The following DNER variants were observed in gnomAD, a reference collection of about 807,000 sequenced individuals.
DNER encodes the protein delta and Notch-like epidermal growth factor-related receptor.
In DNER, 33 loss-of-function variants were observed where a neutral mutation model predicts 78.2. That is an observed-to-expected ratio of 0.42 (90% CI 0.32 to 0.56). The LOEUF (loss-of-function observed/expected upper bound fraction) is 0.56. DNER is among the 20% of genes least tolerant of loss of function. The pLI, the probability that DNER is intolerant of heterozygous loss-of-function variation, is 0.11. For missense variants in DNER, 918 were observed against 975.3 expected, an observed-to-expected ratio of 0.94 and a Z score of 0.78; for synonymous variants, 417 against 384.8, an observed-to-expected ratio of 1.08 and a Z score of -0.98.
At chr2:229,689,865 T>C (rs955323211) in intron 1 of DNER, among the ~76,000 whole-genome samples, 66 of 152,228 alleles carry the variant, frequency 4.3e-4, no homozygotes, top group African/African-American at 1.5e-3. Flanking sequence ...TTATAGAGTC[T>C]GACTTCTGGA....
At chr2:229,559,170 A>AC (rs1696910219) in intron 4 of DNER, among the ~76,000 whole-genome samples, 1 of 151,986 alleles carries the variant, frequency 6.6e-6, no homozygotes, top group Admixed American at 6.6e-5. Flanking sequence ...TGCTGATGAG[A>AC]CCCCCAAAGG....
intron 7 of DNER, among the ~76,000 whole-genome samples, chr2:229,461,834 C>T (rs947350610): frequency 1.3e-5 from 2 of 151,880 alleles, no homozygotes; most frequent in Non-Finnish European, 2.9e-5. Context: ...ATGATACAGA[C>T]CTAAGATGAT....
intron 5 of DNER, among the ~76,000 whole-genome samples, chr2:229,538,471 T>C (rs1288738202): frequency 6.6e-6 from 1 of 152,136 alleles, no homozygotes; most frequent in Non-Finnish European, 1.5e-5. Flanking sequence ...TTCAAGCAAT[T>C]ATCCTGCCTC....
intron 1 of DNER, among the ~76,000 whole-genome samples, chr2:229,689,390 C>T (rs1699533000): frequency 6.6e-6 from 1 of 152,162 alleles, no homozygotes; most frequent in Non-Finnish European, 1.5e-5. Context: ...TTCATTTAAA[C>T]ATGCAAAGTT....
Position 229,591,646 on chromosome 2 carries a change from C to G in DNER, c.519G>C (p.Val173=). 1 of 1,614,206 alleles carries G rather than the reference C, an allele frequency of 6.2e-7. No homozygotes were observed. Among genetic ancestry groups the G allele is most frequent in the Non-Finnish European group, 8.5e-7 (1 of 1,180,030 alleles). The change falls in exon 2 of 13, where the codon GTG becomes GTC. Residue 173 remains valine (V), a synonymous_variant. Transcript: ENST00000341772. The surrounding 1 kb of genome is among the most constrained non-coding windows in gnomAD (Gnocchi z 4.6). ...TTTTCGGCTGCCAGGTAGGCAGTGT[C>G]ACCGTTGCCTGAGAGCGAGGCAGGA... ...DKILPRSQAT[V]TLPTWQPKTG... is the part of the protein sequence containing the mutation.
At chr2:229,597,200 C>T (rs1002005444) in intron 1 of DNER, among the ~76,000 whole-genome samples, 4 of 152,232 alleles carry the variant, frequency 2.6e-5, no homozygotes, top group Non-Finnish European at 4.4e-5. Context: ...TATCCCAATG[C>T]TACTTCCTTG....
At chr2:229,524,288 A>G (rs967338113) in intron 5 of DNER, among the ~76,000 whole-genome samples, 1 of 152,190 alleles carries the variant, frequency 6.6e-6, no homozygotes, top group Admixed American at 6.5e-5. Context: ...AGTAATTTAT[A>G]TTATTTATTG....
chr2:229,605,634 T>C (rs762751601), intron 1 of DNER, among the ~76,000 whole-genome samples: 78 of 152,286 alleles, frequency 5.1e-4, no homozygotes, highest in Non-Finnish European at 4.4e-4. Context: ...CATTTAACAA[T>C]GCTTGCCATG....
At chr2:229,667,951 A>G (rs992603250) in intron 1 of DNER, among the ~76,000 whole-genome samples, 4 of 152,172 alleles carry the variant, frequency 2.6e-5, no homozygotes, top group African/African-American at 9.7e-5. Flanking sequence ...CTCATTGGAG[A>G]TTTCGGGGCA....
chr2:229,414,079 T>C (rs1048182251), intron 9 of DNER, among the ~76,000 whole-genome samples: 1 of 152,014 alleles, frequency 6.6e-6, no homozygotes, highest in African/African-American at 2.4e-5. Context: ...CCCCTCACTC[T>C]TCCTCTGGGT....
intron 5 of DNER, among the ~76,000 whole-genome samples, chr2:229,522,445 C>T (rs1029101379): frequency 6.6e-6 from 1 of 152,162 alleles, no homozygotes; most frequent in African/African-American, 2.4e-5. Context: ...AATCCATTAA[C>T]AAAAGTAAAG....
intron 9 of DNER, among the ~76,000 whole-genome samples, chr2:229,409,623 T>C (rs1341411093): frequency 6.6e-6 from 1 of 152,182 alleles, no homozygotes. Flanking sequence ...GGGGTTTTTG[T>C]TTGGATAGAT....
chr2:229,559,831 T>C (rs1696922547), intron 4 of DNER, among the ~76,000 whole-genome samples: 1 of 152,152 alleles, frequency 6.6e-6, no homozygotes, highest in Non-Finnish European at 1.5e-5. Context: ...GGTTTCCTTC[T>C]CTCTCCTTCC....
chr2:229,365,586 G>C (rs185415971), intron 12 of DNER, among the ~76,000 whole-genome samples: 1 of 152,214 alleles, frequency 6.6e-6, no homozygotes, highest in African/African-American at 2.4e-5. Flanking sequence ...ACAGGCACCC[G>C]CCACCATGCC....
At chr2:229,519,163 G>T (rs1160487097) in intron 5 of DNER, among the ~76,000 whole-genome samples, 1 of 151,878 alleles carries the variant, frequency 6.6e-6, no homozygotes, top group African/African-American at 2.4e-5. Flanking sequence ...CAAATATCAT[G>T]AATAAATCTA....
At chr2:229,543,210 G>A (rs1325344346) in intron 5 of DNER, among the ~76,000 whole-genome samples, 2 of 152,140 alleles carry the variant, frequency 1.3e-5, no homozygotes, top group Admixed American at 6.5e-5. Flanking sequence ...ATGGAGATGC[G>A]CTGCCTCTGA....
intron 1 of DNER, among the ~76,000 whole-genome samples, chr2:229,663,456 G>A (rs982436117): frequency 3.9e-5 from 6 of 152,154 alleles, no homozygotes; most frequent in East Asian, 1.9e-4. Context: ...AGTGATTTCC[G>A]TGTCGCATTT....
At chr2:229,529,570 T>C (rs1696265449) in intron 5 of DNER, among the ~76,000 whole-genome samples, 1 of 152,226 alleles carries the variant, frequency 6.6e-6, no homozygotes, top group Admixed American at 6.5e-5. Flanking sequence ...TTGGCTAACG[T>C]GTATGATTTT....
chr2:229,643,204 G>A (rs1698657853), intron 1 of DNER, among the ~76,000 whole-genome samples: 1 of 152,080 alleles, frequency 6.6e-6, no homozygotes, highest in Admixed American at 6.5e-5. Context: ...GTGAGAGAGT[G>A]AGCCCCTGTC....
Sources: gnomAD v4.1 joint callset for allele counts (sites outside exome capture counted in the v4.1 genomes callset) on GRCh38, gnomAD v4.1.1 for gene constraint, Gnocchi (gnomAD v3.1) non-coding constraint, MANE v1.5 for transcripts, NCBI Gene and HGNC (gene_info 2026-07-23, HGNC 2026-07-21) for gene names.